Variants in GAP43 observed in about 807,000 individuals in gnomAD.
GAP43 encodes the protein neuromodulin.
Under a neutral mutation model 18.6 loss-of-function variants are expected in GAP43, and 6 were observed. The observed-to-expected ratio is 0.32, with a 90% CI of 0.18 to 0.64. The LOEUF (loss-of-function observed/expected upper bound fraction) is 0.64, where lower values mean the gene tolerates loss of function less well. Among genes scored for constraint, GAP43 ranks in the 30% least tolerant of loss-of-function variants. The pLI is 0.78. For synonymous variants in GAP43, 115 were observed against 111.4 expected, an observed-to-expected ratio of 1.03 and a Z score of -0.20; for missense variants, 292 against 295.5, an observed-to-expected ratio of 0.99 and a Z score of 0.09.
intron 2 of GAP43, among the ~76,000 whole-genome samples, chr3:115,714,952 A>G (rs1048778416): frequency 7.9e-5 from 12 of 152,140 alleles, no homozygotes; most frequent in African/African-American, 2.9e-4. Context: ...TAGGTGGCTT[A>G]TAAACAACAG....
intron 2 of GAP43, among the ~76,000 whole-genome samples, chr3:115,693,542 A>T (rs930538754): frequency 6.6e-6 from 1 of 152,124 alleles, no homozygotes; most frequent in East Asian, 1.9e-4. Context: ...ATTGATATTC[A>T]TTGCTGATTT....
chr3:115,716,717 A>AAT (rs3995850), intron 2 of GAP43, among the ~76,000 whole-genome samples: 230 of 43,880 alleles, frequency 5.2e-3, no homozygotes, highest in African/African-American at 5.9e-3. Context: ...ATCTCAGACA[A>AAT]ATATATATAT....
intron 2 of GAP43, among the ~76,000 whole-genome samples, chr3:115,694,680 C>T (rs1709162044): frequency 6.6e-6 from 1 of 152,190 alleles, no homozygotes; most frequent in South Asian, 2.1e-4. Flanking sequence ...GTGAGTATAT[C>T]AGAGTCTCAT....
intron 2 of GAP43, among the ~76,000 whole-genome samples, 189 bp downstream of exon 2, chr3:115,676,799 CCA>C (rs28399392): frequency 0.04 from 6,152 of 152,200 alleles, 178 homozygotes; most frequent in African/African-American, 0.079. Flanking sequence ...CCAAATATCT[CCA>C]GAGAGGACTA....
intron 1 of GAP43, among the ~76,000 whole-genome samples, chr3:115,628,047 A>C (rs1333923725): frequency 1.3e-5 from 2 of 152,130 alleles, no homozygotes; most frequent in Non-Finnish European, 2.9e-5. Context: ...GGGCTTAAAC[A>C]TACTTGATGT....
chr3:115,719,621 C>T (rs912784407), intron 2 of GAP43, among the ~76,000 whole-genome samples: 1 of 152,194 alleles, frequency 6.6e-6, no homozygotes, highest in Non-Finnish European at 1.5e-5. Flanking sequence ...TGGGTGACTC[C>T]ATGGGGAGAA....
intron 2 of GAP43, among the ~76,000 whole-genome samples, chr3:115,716,727 T>TATAC (rs1184084058): frequency 3.0e-5 from 2 of 66,374 alleles, no homozygotes; most frequent in African/African-American, 1.8e-4. Flanking sequence ...AATATATATA[T>TATAC]ATATATATAT....
chr3:115,639,682 C>G (rs1354431118), intron 1 of GAP43, among the ~76,000 whole-genome samples: 2 of 151,962 alleles, frequency 1.3e-5, no homozygotes, highest in East Asian at 3.9e-4. Context: ...ATCCCCAAAC[C>G]AATAAACAAA....
At chr3:115,640,535 A>C (rs1025873274) in intron 1 of GAP43, among the ~76,000 whole-genome samples, 2 of 152,126 alleles carry the variant, frequency 1.3e-5, no homozygotes, top group African/African-American at 4.8e-5. Flanking sequence ...TAGTTGACAG[A>C]GTGGAAAACC....
chr3:115,673,556 T>G lies in GAP43; in HGVS notation c.31-2457T>G, dbSNP rs540982552. On this transcript the variant is annotated intron_variant, in intron 1 of 2. Transcript: ENST00000305124. ...GCAGGTGTCCTAATATATAAGATGGTGCTTCATTCAGAAAACTCAAGGTAG... is the reference window on the plus strand; with the variant it reads ...GCAGGTGTCCTAATATATAAGATGGGGCTTCATTCAGAAAACTCAAGGTAG... Among the ~76,000 whole-genome samples, 40 of 152,340 alleles carry G rather than the reference T, an allele frequency of 2.6e-4. 1 individual carries two copies. The South Asian group carries it at 5.8e-3, about 22-fold the overall frequency.
At chr3:115,672,721 C>T (rs1365852130) in intron 1 of GAP43, among the ~76,000 whole-genome samples, 1 of 145,746 alleles carries the variant, frequency 6.9e-6, no homozygotes, top group African/African-American at 2.5e-5. Context: ...TTCTTCATCT[C>T]CTTCCCACAT....
intron 2 of GAP43, among the ~76,000 whole-genome samples, chr3:115,702,106 G>A (rs1402442440): frequency 1.3e-5 from 2 of 152,018 alleles, no homozygotes; most frequent in Non-Finnish European, 2.9e-5. Context: ...ACATAGGATT[G>A]GAGCCAGGAA....
At chr3:115,680,677 A>G (rs1708949504) in intron 2 of GAP43, among the ~76,000 whole-genome samples, 1 of 152,234 alleles carries the variant, frequency 6.6e-6, no homozygotes, top group South Asian at 2.1e-4. Context: ...GCTAAGATGC[A>G]GTCTGCTGCT....
intron 1 of GAP43, among the ~76,000 whole-genome samples, chr3:115,669,841 A>G (rs1057446087): frequency 6.6e-6 from 1 of 152,036 alleles, no homozygotes; most frequent in African/African-American, 2.4e-5. Flanking sequence ...GTTTTCTTAT[A>G]CAGTTTCATT....
At chr3:115,679,749 T>G (rs1246133658) in intron 2 of GAP43, among the ~76,000 whole-genome samples, 1 of 152,190 alleles carries the variant, frequency 6.6e-6, no homozygotes, top group Non-Finnish European at 1.5e-5. Flanking sequence ...TGTGGTCATA[T>G]TCAGTGATGT....
chr3:115,658,592 C>T (rs1469800077), intron 1 of GAP43: 2 of 152,162 alleles, frequency 1.3e-5, no homozygotes, highest in African/African-American at 4.8e-5. Context: ...CTGGGGACCG[C>T]AGGGCGTGGC....
chr3:115,684,730 G>C (rs1266733506), intron 2 of GAP43, among the ~76,000 whole-genome samples: 1 of 152,172 alleles, frequency 6.6e-6, no homozygotes. Flanking sequence ...GGAGAGTTAA[G>C]AGTTGGGATT....
chr3:115,678,871 C>A (rs1351973983), intron 2 of GAP43, among the ~76,000 whole-genome samples: 2 of 150,164 alleles, frequency 1.3e-5, no homozygotes, highest in Admixed American at 6.7e-5. Context: ...TGCTGCCTGT[C>A]GTTTCTTTCT....
chr3:115,683,143 GCGCGCACACACACACACACACACA>G (rs1708982326), intron 2 of GAP43, among the ~76,000 whole-genome samples: 3 of 126,046 alleles, frequency 2.4e-5, no homozygotes, highest in South Asian at 2.7e-4. Flanking sequence ...GTGCGCGCGC[GCGCGCACACACACACACACACACA>G]CACACACACA....
Sources: gnomAD v4.1 joint callset for allele counts (sites outside exome capture counted in the v4.1 genomes callset) on GRCh38, gnomAD v4.1.1 for gene constraint, MANE v1.5 for transcripts, NCBI Gene and HGNC (gene_info 2026-07-23, HGNC 2026-07-21) for gene names.